Variants in MEIS2 observed in about 807,000 individuals in gnomAD.
The protein encoded by MEIS2 is homeobox protein Meis2.
In MEIS2, 9 loss-of-function variants were observed where a neutral mutation model predicts 58.6. The observed-to-expected ratio is 0.15, with a 90% confidence interval of 0.09 to 0.27. The LOEUF is 0.27. Among genes scored for constraint, MEIS2 ranks in the 10% least tolerant of loss-of-function variants. MEIS2 has a pLI of 1.00. For synonymous variants in MEIS2, 221 were observed against 228.4 expected (o/e 0.97, Z 0.29); for missense variants, 427 against 635.0 (o/e 0.67, Z 3.52).
At chr15:37,056,154 A>G (rs746110114) in intron 7 of MEIS2, among the ~76,000 whole-genome samples, 3 of 152,212 alleles carry the variant, frequency 2.0e-5, no homozygotes, top group Admixed American at 2.0e-4. Flanking sequence ...TCAATTTTCT[A>G]TAGAGAGTCT....
intron 3 of MEIS2, chr15:37,095,963 C>T (rs1397065372): frequency 4.4e-6 from 2 of 450,770 alleles, no homozygotes; most frequent in East Asian, 7.7e-5. Flanking sequence ...CCGGGCACTC[C>T]CGGGTCCCTC....
chr15:36,927,593 A>T (rs2057798728), intron 9 of MEIS2, among the ~76,000 whole-genome samples: 1 of 152,114 alleles, frequency 6.6e-6, no homozygotes, highest in Non-Finnish European at 1.5e-5. Flanking sequence ...TGCTTCTCTC[A>T]CAGCATCTTG....
intron 8 of MEIS2, among the ~76,000 whole-genome samples, chr15:36,962,312 G>A (rs1217522765): frequency 6.6e-5 from 10 of 152,160 alleles, no homozygotes; most frequent in Non-Finnish European, 1.2e-4. Context: ...CATAGAGTAT[G>A]ATGCTTTTTC....
chr15:37,082,304 T>C (rs1892337796), intron 7 of MEIS2, among the ~76,000 whole-genome samples: 1 of 152,220 alleles, frequency 6.6e-6, no homozygotes, highest in Non-Finnish European at 1.5e-5. Context: ...ATAGCCTCAT[T>C]AGACCATTAA....
intron 8 of MEIS2, among the ~76,000 whole-genome samples, chr15:37,013,765 A>C (rs1051043396): frequency 6.6e-6 from 1 of 152,078 alleles, no homozygotes; most frequent in Non-Finnish European, 1.5e-5. Flanking sequence ...CCCATTTTAC[A>C]ACTGAAGAAA....
chr15:37,089,912 T>A (rs1423336436), intron 6 of MEIS2, among the ~76,000 whole-genome samples: 1 of 152,136 alleles, frequency 6.6e-6, no homozygotes, highest in Admixed American at 6.5e-5. Context: ...GTAAAATAGA[T>A]AATGTGAGTA....
intron 8 of MEIS2, among the ~76,000 whole-genome samples, chr15:36,978,862 C>T (rs2059843269): frequency 2.0e-5 from 3 of 152,074 alleles, no homozygotes; most frequent in South Asian, 2.1e-4. Context: ...AATTTGTTTC[C>T]AGTTACTAGA....
intron 8 of MEIS2, among the ~76,000 whole-genome samples, chr15:36,997,571 C>T (rs917404058): frequency 2.6e-5 from 4 of 151,606 alleles, no homozygotes; most frequent in Non-Finnish European, 4.4e-5. Context: ...ACTGCAAGCT[C>T]CATCTTCTGG....
chr15:37,023,903 TTC>T (rs200060295), intron 8 of MEIS2, among the ~76,000 whole-genome samples: 5 of 134,238 alleles, frequency 3.7e-5, no homozygotes, highest in South Asian at 2.6e-4. Flanking sequence ...TGGCCTCCTT[TTC>T]TCTCTCTTTT....
At chr15:37,041,330 A>T (rs180976855) in intron 7 of MEIS2, among the ~76,000 whole-genome samples, 39 of 152,310 alleles carry the variant, frequency 2.6e-4, no homozygotes, top group Admixed American at 1.6e-3. Context: ...ACTGCCATAA[A>T]GCACAGAGAA....
intron 7 of MEIS2, among the ~76,000 whole-genome samples, chr15:37,048,473 T>C (rs890025998): frequency 6.6e-6 from 1 of 152,204 alleles, no homozygotes; most frequent in Admixed American, 6.5e-5. Flanking sequence ...AATAAGACAA[T>C]ACATTTTTAT....
intron 9 of MEIS2, among the ~76,000 whole-genome samples, chr15:36,908,884 A>G (rs1238143359): frequency 6.6e-6 from 1 of 152,158 alleles, no homozygotes; most frequent in Non-Finnish European, 1.5e-5. Flanking sequence ...GGTTGTGGTG[A>G]GCCGAGATGG....
intron 8 of MEIS2, among the ~76,000 whole-genome samples, chr15:37,012,824 C>CAT (rs1461613901): frequency 6.6e-6 from 1 of 152,004 alleles, no homozygotes; most frequent in Non-Finnish European, 1.5e-5. Flanking sequence ...TTCAGGTGTA[C>CAT]ATATGAAAGG....
intron 9 of MEIS2, among the ~76,000 whole-genome samples, chr15:36,928,159 A>T (rs2057823978): frequency 6.6e-6 from 1 of 152,180 alleles, no homozygotes; most frequent in African/African-American, 2.4e-5. Flanking sequence ...TAATAGTAAG[A>T]TGAACTATTT....
At chr15:37,028,220 C>T (rs1020075352) in intron 8 of MEIS2, among the ~76,000 whole-genome samples, 1 of 152,136 alleles carries the variant, frequency 6.6e-6, no homozygotes, top group South Asian at 2.1e-4. Context: ...TATCTTGAAA[C>T]GTCTTAAAAT....
rs894201289 is a variant in MEIS2 at position 36,991,899 on chromosome 15, T to C, written c.901-41499A>G. Among the ~76,000 whole-genome samples the C allele has an allele frequency of 1.4e-4, 19 of 138,094 alleles. 1 individual carries two copies. The highest frequency in any genetic ancestry group is 1.2e-3 in the Admixed American group (16 of 13,120). 90.6% of individuals were successfully genotyped at this position (138,094 alleles called of 152,430 possible). A position where few individuals can be genotyped will look rare whatever the true frequency, so the allele number is the denominator to read the frequency against. On this transcript the variant is annotated intron_variant, in intron 8 of 11. Coordinates refer to ENST00000561208, the MANE Select transcript of MEIS2 (RefSeq NM_170675.5). ...GCCTCCCGGGTTCACGCCATTCTCC[T>C]GCCTCAGCCTCCCAAGTAGCTGGGA...
intron 8 of MEIS2, among the ~76,000 whole-genome samples, chr15:37,001,074 T>G (rs373633226): frequency 3.3e-5 from 5 of 152,346 alleles, no homozygotes; most frequent in East Asian, 3.9e-4. Flanking sequence ...CTGTTGATTA[T>G]GCATTTCTTT....
intron 8 of MEIS2, among the ~76,000 whole-genome samples, chr15:37,021,374 C>A (rs1295699366): frequency 6.6e-6 from 1 of 152,106 alleles, no homozygotes; most frequent in Non-Finnish European, 1.5e-5. Flanking sequence ...GACTTTTAAG[C>A]CACTCCCTCT....
intron 8 of MEIS2, among the ~76,000 whole-genome samples, chr15:37,006,354 G>A (rs1003079618): frequency 2.6e-5 from 4 of 152,146 alleles, no homozygotes; most frequent in African/African-American, 9.7e-5. Context: ...TTTGGGTATC[G>A]TAACCATATA....
Sources: gnomAD v4.1 joint callset for allele counts (sites outside exome capture counted in the v4.1 genomes callset) on GRCh38, gnomAD v4.1.1 for gene constraint, MANE v1.5 for transcripts, NCBI Gene and HGNC (gene_info 2026-07-23, HGNC 2026-07-21) for gene names.